SOS2: variants seen among roughly 807,000 people sequenced by gnomAD.
The protein encoded by SOS2 is son of sevenless homolog 2.
SOS2 carries 65 observed loss-of-function variants against 148.2 expected under a neutral mutation model. That is an observed-to-expected ratio of 0.44 (90% CI 0.36 to 0.54). The LOEUF is 0.54. Ranked by LOEUF, SOS2 falls within the 20% of genes least tolerant of loss-of-function variation. SOS2 has a pLI of 0.00. For missense variants in SOS2, 1,341 were observed against 1,590.2 expected (o/e 0.84, Z 2.67); for synonymous variants, 539 against 537.1 (o/e 1.00, Z -0.05).
At chr14:50,159,311 A>G (rs994372083) in intron 10 of SOS2, 120 bp downstream of exon 10, 3 of 578,918 alleles carry the variant, frequency 5.2e-6, no homozygotes, top group African/African-American at 3.7e-5. Flanking sequence ...TTGTTTTTGC[A>G]GTATTTTTAT....
At chr14:50,135,642 C>CTTTT (rs56043962) in intron 18 of SOS2, among the ~76,000 whole-genome samples, 1,060 of 82,608 alleles carry the variant, frequency 0.013, 13 homozygotes, top group African/African-American at 0.014. Context: ...ATGTGGTTTG[C>CTTTT]TTTTTTTTTT....
chr14:50,215,375 C>T, intron 1 of SOS2: 2 of 1,280,082 alleles, frequency 1.6e-6, no homozygotes, highest in Non-Finnish European at 2.0e-6. Context: ...AAATCTCACC[C>T]ATAAATGCTG....
chr14:50,215,402 G>A (rs1566483839), intron 1 of SOS2: 1 of 1,283,504 alleles, frequency 7.8e-7, no homozygotes, highest in Non-Finnish European at 1.0e-6. Context: ...GACATCAAGA[G>A]GACAATGGAA....
intron 7 of SOS2, among the ~76,000 whole-genome samples, chr14:50,178,671 C>CATATATATATATATAT (rs1170021476): frequency 1.4e-4 from 2 of 14,452 alleles, no homozygotes; most frequent in Non-Finnish European, 2.5e-4. Flanking sequence ...TGTGTGTGTG[C>CATATATATATATATAT]ATATATATAT....
rs916130695 is a variant in SOS2, at chr14:50,118,682, G to A, written c.3661C>T (p.Leu1221Phe). The A allele has an allele frequency of 1.2e-6, 2 of 1,613,862 alleles. No individual in the cohort carries two copies. The highest frequency in any genetic ancestry group is 1.3e-5 in the African/African-American group (1 of 74,906). Residue 1221 changes from leucine (L) to phenylalanine (F), a missense_variant, in exon 23 of 23, where the codon CTT becomes TTT. By Grantham distance (22) the Leu-to-Phe change is conservative. Coordinates refer to ENST00000216373, the MANE Select transcript of SOS2 (RefSeq NM_006939.4). ...TTTATAAAGTGTTCTGGAGGCCGAAGGGGAACTGGTGGAGGGGTATCAGGA... is the reference window on the plus strand; with the variant it reads ...TTTATAAAGTGTTCTGGAGGCCGAAAGGGAACTGGTGGAGGGGTATCAGGA... ...PLPDTPPPVP[L>F]RPPEHFINCP...
intron 1 of SOS2, among the ~76,000 whole-genome samples, chr14:50,227,243 C>CTT (rs374477701): frequency 0.029 from 3,234 of 112,480 alleles, 239 homozygotes; most frequent in Middle Eastern, 0.085. Context: ...TTCTTTCTTT[C>CTT]TTTCTTTTTT....
chr14:50,211,102 C>T (rs189259461), intron 1 of SOS2, among the ~76,000 whole-genome samples: 38 of 152,026 alleles, frequency 2.5e-4, no homozygotes, highest in African/African-American at 7.7e-4. Context: ...ATATAATAGA[C>T]GCTAGCCTCA....
Position 50,199,778 on chromosome 14 carries a change from A to C in SOS2, c.423T>G (p.Ile141Met). ...AAACATAATTACCAGCCAATTTTAA[A>C]ATATCAGCTGAGATATACTCTAGTA... ...VAVLEYISAD[I>M]LKLAGNYVFN... The change falls in exon 4 of 23, where the codon ATT (isoleucine) becomes ATG (methionine). Residue 141 changes from isoleucine to methionine, a missense_variant. By Grantham distance (10) the Ile-to-Met change is conservative. This residue lies in a region of SOS2 where 574 missense variants were observed against 711.1 expected (regional missense o/e 0.81). Coordinates refer to ENST00000216373, the MANE Select transcript of SOS2 (RefSeq NM_006939.4). 6.2e-7 allele frequency: 1 copy of C among 1,603,844 alleles called. No homozygotes were observed. The highest frequency in any genetic ancestry group is 1.7e-4 in the Middle Eastern group (1 of 6,038).
Position 50,156,439 on chromosome 14 carries a change from G to C in SOS2, c.2057+560C>G, listed in dbSNP as rs140977717. Reference sequence around the variant, plus strand: ...TGAGATAAAAAAGATAAAGCATTTAGGGTAATCCCCGGCACACAGTAGTAT... The same window carrying C: ...TGAGATAAAAAAGATAAAGCATTTACGGTAATCCCCGGCACACAGTAGTAT... On this transcript the variant is annotated intron_variant, in intron 12 of 22. Transcript: ENST00000216373. 100 of 152,224 alleles carry C rather than the reference G, an allele frequency of 6.6e-4. 1 individual carries two copies. The highest frequency in any genetic ancestry group is 2.3e-3 in the African/African-American group (97 of 41,542). 9.4% of individuals were successfully genotyped at this position (152,224 alleles called of 1,614,324 possible). A position where few individuals can be genotyped will look rare whatever the true frequency, so the allele number is the denominator to read the frequency against.
intron 1 of SOS2, among the ~76,000 whole-genome samples, chr14:50,207,140 A>AT (rs1307344849): frequency 1.3e-5 from 2 of 152,168 alleles, no homozygotes; most frequent in Non-Finnish European, 2.9e-5. Flanking sequence ...CATTTAGAAA[A>AT]TTTTTTTTAA....
chr14:50,149,762 A>C (rs931105803), intron 14 of SOS2, among the ~76,000 whole-genome samples: 2 of 152,126 alleles, frequency 1.3e-5, no homozygotes, highest in Admixed American at 1.3e-4. Flanking sequence ...GGAGTTGAAG[A>C]GGGGTGGTGG....
chr14:50,206,027 T>G, intron 1 of SOS2, among the ~76,000 whole-genome samples: 1 of 152,178 alleles, frequency 6.6e-6, no homozygotes, highest in Admixed American at 6.5e-5. Flanking sequence ...GTGTATTCGT[T>G]CTTTTCTTGA....
chr14:50,176,622 T>G (rs1313703432), intron 7 of SOS2, among the ~76,000 whole-genome samples: 1 of 152,256 alleles, frequency 6.6e-6, no homozygotes, highest in Non-Finnish European at 1.5e-5. Flanking sequence ...TTTAATTTCC[T>G]AATAACTATA....
At chr14:50,208,844 C>G (rs1886764347) in intron 1 of SOS2, among the ~76,000 whole-genome samples, 1 of 152,080 alleles carries the variant, frequency 6.6e-6, no homozygotes, top group South Asian at 2.1e-4. Flanking sequence ...AAAGAAGAAA[C>G]AAATTTGCAG....
intron 19 of SOS2, among the ~76,000 whole-genome samples, chr14:50,133,269 C>CTTTTGTT (rs1883964727): frequency 1.8e-5 from 1 of 55,156 alleles, no homozygotes; most frequent in Admixed American, 2.2e-4. Flanking sequence ...TTTTTTGAGA[C>CTTTTGTT]GGGGTCTTGC....
At position 50,178,744 on chromosome 14, in the gene SOS2, A is replaced by ATTTT. The variant is rs774367057; in HGVS notation, c.969+1824_969+1827dup. On this transcript the variant is annotated intron_variant, in intron 7 of 22. Coordinates refer to ENST00000216373, the MANE Select transcript of SOS2 (RefSeq NM_006939.4). The stretch of plus-strand genomic sequence containing the variant: ...TATACACACACATATATATATATAT[A>ATTTT]TTTTTTGGAGACAGGGTCTTGCTCT... Among the ~76,000 whole-genome samples the ATTTT allele has an allele frequency of 2.6e-3, 362 of 140,386 alleles. 1 individual carries two copies. The highest frequency in any genetic ancestry group is 3.5e-3 in the Non-Finnish European group (230 of 65,154). The allele number at this position is 140,386 out of a possible 152,430, so 92.1% of individuals were successfully genotyped here.
At chr14:50,135,672 A>T (rs745652177) in intron 18 of SOS2, among the ~76,000 whole-genome samples, 31 of 96,312 alleles carry the variant, frequency 3.2e-4, no homozygotes, top group Non-Finnish European at 4.5e-4. Flanking sequence ...TTTGAGATGG[A>T]GTCTCACTCA....
At chr14:50,175,655 T>C (rs1885500006) in intron 7 of SOS2, among the ~76,000 whole-genome samples, 2 of 152,068 alleles carry the variant, frequency 1.3e-5, no homozygotes, top group South Asian at 2.1e-4. Flanking sequence ...TTGGGATAGG[T>C]ATACCCCAGT....
chr14:50,206,534 G>A (rs1466860945), intron 1 of SOS2, among the ~76,000 whole-genome samples: 1 of 152,164 alleles, frequency 6.6e-6, no homozygotes, highest in Non-Finnish European at 1.5e-5. Context: ...AGGAAATAAT[G>A]ACAAGAGAAA....
Sources: allele counts gnomAD v4.1 joint callset (sites outside exome capture counted in the v4.1 genomes callset), GRCh38; gene constraint gnomAD v4.1.1; regional missense constraint gnomAD v4.1.1; transcripts MANE v1.5; gene names NCBI Gene and HGNC (gene_info 2026-07-23, HGNC 2026-07-21).